Variants in PTPN13 observed in about 807,000 individuals in gnomAD.
PTPN13 encodes the protein protein tyrosine phosphatase non-receptor type 13.
In PTPN13, 191 loss-of-function variants were observed where a neutral mutation model predicts 284.0. That is an observed-to-expected ratio of 0.67 (90% CI 0.60 to 0.76). The LOEUF (loss-of-function observed/expected upper bound fraction) is 0.76. Ranked by LOEUF, PTPN13 falls within the 30% of genes least tolerant of loss-of-function variation. The pLI is 0.00. For missense variants in PTPN13, 2,797 were observed against 2,939.9 expected (o/e 0.95, Z 1.12); for synonymous variants, 986 against 1,022.3 (o/e 0.96, Z 0.68).
chr4:86,619,636 T>G (rs1412120698), intron 1 of PTPN13, among the ~76,000 whole-genome samples: 1 of 152,236 alleles, frequency 6.6e-6, no homozygotes. Flanking sequence ...CTAACATCTC[T>G]GATTATTACA....
chr4:86,674,854 T>C (rs895098682), intron 3 of PTPN13, among the ~76,000 whole-genome samples: 1 of 152,224 alleles, frequency 6.6e-6, no homozygotes, highest in African/African-American at 2.4e-5. Flanking sequence ...TCATTTTTAT[T>C]ATTTAAACAG....
At chr4:86,660,743 A>C (rs551281553) in intron 2 of PTPN13, among the ~76,000 whole-genome samples, 34 of 152,280 alleles carry the variant, frequency 2.2e-4, no homozygotes, top group Admixed American at 5.9e-4. Flanking sequence ...TGAATAATGT[A>C]GGTTATTTGA....
chr4:86,786,061 G>T lies in PTPN13; in HGVS notation c.6345+125G>T, dbSNP rs116078105. ...CAAAAATTAAATTTAGGAGGAAAAC[G>T]GAGATTAATTTCATGTGTTACATTA... On this transcript the variant is annotated intron_variant, in intron 40 of 47. Transcript: ENST00000411767. The T allele has an allele frequency of 1.5e-5, 7 of 456,558 alleles. No individual in the cohort carries two copies. The East Asian group carries it at 2.5e-4, about 16-fold the overall frequency. 28.3% of individuals were successfully genotyped at this position (456,558 alleles called of 1,614,324 possible).
chr4:86,705,605 G>A (rs1433841487), intron 7 of PTPN13, among the ~76,000 whole-genome samples: 1 of 152,016 alleles, frequency 6.6e-6, no homozygotes, highest in Non-Finnish European at 1.5e-5. Flanking sequence ...CAATTTTTGT[G>A]ATCTTTAAAT....
rs1050675513 is a variant in PTPN13, at chr4:86,726,954, G to A, written c.1608+4520G>A. Among the ~76,000 whole-genome samples, 15 of 149,176 alleles carry A rather than the reference G, an allele frequency of 1.0e-4. 1 individual carries two copies. The highest frequency in any genetic ancestry group is 6.3e-4 in the South Asian group (3 of 4,736). On this transcript the variant is annotated intron_variant, in intron 10 of 47. Coordinates refer to ENST00000411767, the MANE Select transcript of PTPN13 (RefSeq NM_080683.3). ...GTATGATATTGGCTGTGGGTTTGTC[G>A]TAAATAGCATTTATTATTTTGAAGT...
intron 3 of PTPN13, among the ~76,000 whole-genome samples, chr4:86,685,730 A>G (rs55640323): frequency 0.16 from 23,620 of 152,244 alleles, 2,332 homozygotes; most frequent in East Asian, 0.29. Flanking sequence ...AAACTCTTAC[A>G]TGTACAAAAA....
At chr4:86,727,989 T>C (rs1326223658) in intron 10 of PTPN13, among the ~76,000 whole-genome samples, 2 of 149,668 alleles carry the variant, frequency 1.3e-5, no homozygotes, top group Admixed American at 6.7e-5. Context: ...GCTTTGAATG[T>C]GTCCCAGAGA....
chr4:86,808,007 C>G lies in PTPN13; in HGVS notation c.7083+110C>G, dbSNP rs1292815386. On this transcript the variant is annotated intron_variant, in intron 45 of 47. Coordinates refer to ENST00000411767, the MANE Select transcript of PTPN13 (RefSeq NM_080683.3). The stretch of plus-strand genomic sequence containing the variant: ...GTTATTTCTAGATAAAAGACAGTGA[C>G]TTCCTAGTTCCCATGCAATGGAACT... The G allele has an allele frequency of 5.3e-6, 5 of 946,390 alleles. No individual in the cohort carries two copies. In the Admixed American group the frequency reaches 1.5e-4, roughly 28 times the overall value. The allele number at this position is 946,390 out of a possible 1,614,324, so 58.6% of individuals were successfully genotyped here. A position where few individuals can be genotyped will look rare whatever the true frequency, so the allele number is the denominator to read the frequency against.
chr4:86,751,988 G>A (rs1204807319), intron 19 of PTPN13, among the ~76,000 whole-genome samples: 1 of 151,876 alleles, frequency 6.6e-6, no homozygotes, highest in African/African-American at 2.4e-5. Context: ...CACCTTTTAA[G>A]ATGCTTACCT....
At position 86,764,688 on chromosome 4, in the gene PTPN13, G is replaced by A. The variant is rs1450777117; in HGVS notation, c.4113G>A (p.Leu1371=). 12 of 1,606,168 alleles carry A rather than the reference G, an allele frequency of 7.5e-6. No homozygotes were observed. The highest frequency in any genetic ancestry group is 9.3e-6 in the Non-Finnish European group (11 of 1,178,056). Residue 1371 remains leucine (L), a synonymous_variant, in exon 25 of 48, where the codon CTG becomes CTA. Coordinates refer to ENST00000411767, the MANE Select transcript of PTPN13 (RefSeq NM_080683.3). ...CTGGAGATATCTTTGAGGTTGAACT[G>A]GCTAAAAATGATAACAGCTTGGGGA... ...PKPGDIFEVE[L]AKNDNSLGIS... is the part of the protein sequence containing the mutation.
At chr4:86,723,541 T>C (rs1733904512) in intron 10 of PTPN13, among the ~76,000 whole-genome samples, 1 of 152,198 alleles carries the variant, frequency 6.6e-6, no homozygotes, top group Non-Finnish European at 1.5e-5. Context: ...GACCGCTGCT[T>C]TAATTAACAT....
intron 1 of PTPN13, among the ~76,000 whole-genome samples, chr4:86,626,382 T>G (rs1721837773): frequency 6.6e-6 from 1 of 152,124 alleles, no homozygotes; most frequent in Non-Finnish European, 1.5e-5. Flanking sequence ...AACAAAAACA[T>G]TTAGATACAT....
chr4:86,729,327 T>C (rs943517238), intron 10 of PTPN13, among the ~76,000 whole-genome samples: 12 of 149,208 alleles, frequency 8.0e-5, no homozygotes, highest in African/African-American at 2.9e-4. Flanking sequence ...CTTGGGATTG[T>C]TCTTCTCAAG....
intron 42 of PTPN13, 83 bp from the exon 43 acceptor site, chr4:86,803,626 T>G: frequency 4.4e-6 from 6 of 1,350,562 alleles, no homozygotes; most frequent in Non-Finnish European, 6.2e-6. Context: ...TTTTGTAAGA[T>G]GAGGTGAACA....
chr4:86,659,828 CACA>C (rs761104027), intron 2 of PTPN13, among the ~76,000 whole-genome samples: 25 of 150,498 alleles, frequency 1.7e-4, no homozygotes, highest in Admixed American at 3.3e-4. Flanking sequence ...AAACTACAAC[CACA>C]ACAACAACAG....
chr4:86,597,642 AT>A (rs1763935358), intron 1 of PTPN13, among the ~76,000 whole-genome samples: 1 of 152,204 alleles, frequency 6.6e-6, no homozygotes, highest in Non-Finnish European at 1.5e-5. Flanking sequence ...TAAGACCCTT[AT>A]TCTTGTTTAG....
At position 86,814,688 on chromosome 4, in the gene PTPN13, C is replaced by A; in HGVS notation, c.*137C>A. 1.7e-6 allele frequency: 1 copy of A among 578,600 alleles called. No homozygotes were observed. The highest frequency in any genetic ancestry group is 3.0e-6 in the Non-Finnish European group (1 of 329,378). The allele number at this position is 578,600 out of a possible 1,614,324, so 35.8% of individuals were successfully genotyped here. ...TTCTCCTCTATCTTAGAGGGGTATTCTTCTTGAAAATAAAAAATATTGAAA... is the reference window on the plus strand; with the variant it reads ...TTCTCCTCTATCTTAGAGGGGTATTATTCTTGAAAATAAAAAATATTGAAA... On this transcript the variant is annotated 3_prime_UTR_variant, in exon 48 of 48. Coordinates refer to ENST00000411767, the MANE Select transcript of PTPN13 (RefSeq NM_080683.3).
At chr4:86,701,927 G>A in intron 7 of PTPN13, 126 bp downstream of exon 7, 1 of 872,194 alleles carries the variant, frequency 1.1e-6, no homozygotes, top group Non-Finnish European at 1.7e-6. Context: ...ACCCTGGTTA[G>A]TCTCTTACTT....
intron 2 of PTPN13, among the ~76,000 whole-genome samples, chr4:86,650,701 T>A (rs146471697): frequency 6.6e-6 from 1 of 152,224 alleles, no homozygotes; most frequent in Non-Finnish European, 1.5e-5. Context: ...GGAATTACTT[T>A]CTTAATTTCT....
Sources: allele counts gnomAD v4.1 joint callset (sites outside exome capture counted in the v4.1 genomes callset), GRCh38; gene constraint gnomAD v4.1.1; transcripts MANE v1.5; gene names NCBI Gene and HGNC (gene_info 2026-07-23, HGNC 2026-07-21).